Variants in MICAL3 observed in about 807,000 individuals in gnomAD.
MICAL3 encodes microtubule associated monooxygenase, calponin and LIM domain containing 3, also known as [F-actin]-monooxygenase MICAL3.
A neutral mutation model predicts 207.4 loss-of-function variants in MICAL3; 62 were observed. That is an observed-to-expected ratio of 0.30 (90% CI 0.24 to 0.37). The LOEUF (loss-of-function observed/expected upper bound fraction) is 0.37. MICAL3 is among the 10% of genes least tolerant of loss of function. The probability of loss-of-function intolerance (pLI) is 1.00; values close to 1 mark genes in which losing one functional copy is unlikely to be tolerated. For missense variants in MICAL3, 2,368 were observed against 2,635.6 expected (o/e 0.90, Z 2.22); for synonymous variants, 1,077 against 1,069.3 (o/e 1.01, Z -0.14).
chr22:17,812,855 T>C (rs2062063202), intron 27 of MICAL3: 1 of 152,166 alleles, frequency 6.6e-6, no homozygotes, highest in African/African-American at 2.4e-5. Flanking sequence ...ACTCGCCTCA[T>C]CTCACTGTCC....
chr22:17,864,859 G>A (rs1304474749), intron 19 of MICAL3, 40 bp downstream of exon 19: 8 of 1,613,930 alleles, frequency 5.0e-6, no homozygotes, highest in Non-Finnish European at 5.1e-6. Flanking sequence ...GAGGCCGAGG[G>A]AGTGACGCGC....
At chr22:17,875,574 GA>G in intron 16 of MICAL3, 1 of 1,443,938 alleles carries the variant, frequency 6.9e-7, no homozygotes, top group Non-Finnish European at 9.3e-7. Flanking sequence ...ACAAGATGGA[GA>G]AAAACAAAAG....
At chr22:17,802,242 C>A (rs1337287580) in intron 29 of MICAL3, among the ~76,000 whole-genome samples, 1 of 151,986 alleles carries the variant, frequency 6.6e-6, no homozygotes, top group Non-Finnish European at 1.5e-5. Context: ...TTTAAAATTT[C>A]TTTATAGAGA....
intron 1 of MICAL3, among the ~76,000 whole-genome samples, chr22:17,951,269 G>A (rs1934336671): frequency 6.6e-6 from 1 of 151,366 alleles, no homozygotes. Context: ...AGGAGACAGG[G>A]ATCTGGACCC....
intron 1 of MICAL3, among the ~76,000 whole-genome samples, chr22:17,989,740 C>G (rs1292920585): frequency 1.3e-5 from 2 of 152,238 alleles, no homozygotes; most frequent in African/African-American, 4.8e-5. Context: ...CAAGATGCTT[C>G]TGTCTCTGGG....
At chr22:17,996,906 CAG>C (rs1922347535) in intron 1 of MICAL3, among the ~76,000 whole-genome samples, 1 of 152,178 alleles carries the variant, frequency 6.6e-6, no homozygotes, top group South Asian at 2.1e-4. Flanking sequence ...GCCATGCCTC[CAG>C]TTTCACAGTT....
At chr22:17,882,014 C>T (rs112410586) in intron 16 of MICAL3, among the ~76,000 whole-genome samples, 2 of 152,284 alleles carry the variant, frequency 1.3e-5, no homozygotes, top group African/African-American at 4.8e-5. Context: ...GAAGTCTCAT[C>T]TCCCTGTGCC....
chr22:17,866,613 CAGAATAGAATAGAATAGAAT>C (rs60628065), intron 17 of MICAL3, among the ~76,000 whole-genome samples: 1,524 of 136,270 alleles, frequency 0.011, 32 homozygotes, highest in African/African-American at 0.04. Flanking sequence ...TAGAACAGAA[CAGAATAGAATAGAATAGAAT>C]AGAATAGAAT....
chr22:17,829,978 CT>C (rs1922627007), intron 21 of MICAL3, among the ~76,000 whole-genome samples: 1 of 152,184 alleles, frequency 6.6e-6, no homozygotes, highest in African/African-American at 2.4e-5. Flanking sequence ...AAACACAGAC[CT>C]TTGTCTGTGA....
chr22:17,884,176 A>T, intron 16 of MICAL3: 1 of 688,802 alleles, frequency 1.5e-6, no homozygotes, highest in Non-Finnish European at 2.4e-6. Context: ...CTCATGAGCT[A>T]GGATTCCAGA....
chr22:17,921,762 T>C (rs1441411034), intron 1 of MICAL3, among the ~76,000 whole-genome samples: 9 of 152,094 alleles, frequency 5.9e-5, no homozygotes, highest in African/African-American at 2.2e-4. Context: ...GTGCTGGGAT[T>C]ACAGGTATGA....
At chr22:17,873,746 T>C (rs779675250) in intron 16 of MICAL3, among the ~76,000 whole-genome samples, 7 of 152,268 alleles carry the variant, frequency 4.6e-5, no homozygotes, top group Non-Finnish European at 1.0e-4. Flanking sequence ...GTCTCCATCA[T>C]GAGCCGCCCT....
intron 1 of MICAL3, among the ~76,000 whole-genome samples, chr22:17,990,795 T>A (rs1477763156): frequency 6.6e-6 from 1 of 152,226 alleles, no homozygotes; most frequent in African/African-American, 2.4e-5. Context: ...AAGGCGATCA[T>A]GCCATGACAC....
Position 17,908,999 on chromosome 22 carries a change from C to A in MICAL3, c.-74-2113G>T, listed in dbSNP as rs151138575. 5.9e-3 allele frequency among the ~76,000 whole-genome samples: 901 copies of A among 152,306 alleles called. 3 individuals carry two copies. Among genetic ancestry groups the A allele is most frequent in the Non-Finnish European group, 0.01 (708 of 68,024 alleles). On this transcript the variant is annotated intron_variant, in intron 1 of 31. Transcript: ENST00000441493. ...CATGCCACTTCTCTCCGCACCTCAC[C>A]ATGGTATCACAGGATTAAACCAAAC...
At chr22:17,799,949 A>AACACACACACACAC (rs3078144) in intron 29 of MICAL3, among the ~76,000 whole-genome samples, 1 of 146,712 alleles carries the variant, frequency 6.8e-6, no homozygotes, top group African/African-American at 2.5e-5. Flanking sequence ...CTCACTCTAA[A>AACACACACACACAC]ACACACACAC....
chr22:17,869,864 C>G (rs1186727216), intron 17 of MICAL3, among the ~76,000 whole-genome samples: 1 of 152,154 alleles, frequency 6.6e-6, no homozygotes, highest in East Asian at 1.9e-4. Context: ...GTTGTGAGGA[C>G]AAAGGGCGTG....
At chr22:17,870,605 C>T (rs1927630260) in intron 17 of MICAL3, among the ~76,000 whole-genome samples, 1 of 152,206 alleles carries the variant, frequency 6.6e-6, no homozygotes. Flanking sequence ...CTAACTAGAA[C>T]ACCCTGAGCA....
At chr22:17,957,324 C>G (rs1346048246) in intron 1 of MICAL3, among the ~76,000 whole-genome samples, 1 of 152,134 alleles carries the variant, frequency 6.6e-6, no homozygotes, top group Non-Finnish European at 1.5e-5. Context: ...TCTCTAGGGT[C>G]CTTTTACATA....
In MICAL3 at chr22:17,891,575, T is replaced by G; in HGVS notation, c.1604A>C (p.Tyr535Ser). The G allele has an allele frequency of 6.2e-7, 1 of 1,613,994 alleles. No homozygotes were observed. The highest frequency in any genetic ancestry group is 1.1e-5 in the South Asian group (1 of 91,084). ...LGWCQRQTDG[Y>S]AGVNVTDLTM... The stretch of plus-strand genomic sequence containing the variant: ...GAGATCTGTCACGTTTACCCCTGCA[T>G]AGCCATCTGTCTGCCTCTGGCACCA... The change falls in exon 12 of 32, where the codon TAT becomes TCT. Residue 535 changes from tyrosine to serine, a missense_variant. Physicochemically the swap from Tyr to Ser is moderately radical, Grantham distance 144 (BLOSUM62 -2). Coordinates refer to ENST00000441493, the MANE Select transcript of MICAL3 (RefSeq NM_015241.3).
Sources: allele counts gnomAD v4.1 joint callset (sites outside exome capture counted in the v4.1 genomes callset), GRCh38; gene constraint gnomAD v4.1.1; transcripts MANE v1.5; gene names NCBI Gene and HGNC (gene_info 2026-07-23, HGNC 2026-07-21).